Variants in ATP6V0D1 observed in about 807,000 individuals in gnomAD.
ATP6V0D1 encodes the protein ATPase H+ transporting V0 subunit d1.
ATP6V0D1 carries 13 observed loss-of-function variants against 39.0 expected under a neutral mutation model. The ratio of observed to expected loss-of-function variants is 0.33; its 90% CI spans 0.22 to 0.53. ATP6V0D1 has a LOEUF of 0.53. Among genes scored for constraint, ATP6V0D1 ranks in the 20% least tolerant of loss-of-function variants. The pLI, the probability that ATP6V0D1 is intolerant of heterozygous loss-of-function variation, is 0.94. For missense variants in ATP6V0D1, 272 were observed against 470.9 expected, an observed-to-expected ratio of 0.58 and a Z score of 3.91; for synonymous variants, 191 against 191.2, an observed-to-expected ratio of 1.00 and a Z score of 0.01.
chr16:67,471,387 A>G (rs1437774944), intron 1 of ATP6V0D1, among the ~76,000 whole-genome samples: 1 of 151,910 alleles, frequency 6.6e-6, no homozygotes, highest in Non-Finnish European at 1.5e-5. Context: ...TGGGGGTTTC[A>G]CCATGTTGCC....
chr16:67,438,841 A>C lies in ATP6V0D1; in HGVS notation c.846T>G (p.Gly282=). The C allele has an allele frequency of 6.4e-7, 1 of 1,569,944 alleles. No individual in the cohort carries two copies. The highest frequency in any genetic ancestry group is 8.6e-7 in the Non-Finnish European group (1 of 1,156,980). The change falls in exon 7 of 8, where the codon GGT becomes GGG. Residue 282 remains glycine (G), a synonymous_variant. Transcript: ENST00000290949. ...PEYKLLFEGA[G]SNPGDKTLED... is the part of the protein sequence containing the mutation. ...CCAGCGTCTTGTCTCCAGGGTTGCT[A>C]CCTGCACCCTCGAAGAGCAGCTTGT...
At chr16:67,460,887 G>A (rs192959708) in intron 1 of ATP6V0D1, among the ~76,000 whole-genome samples, 1 of 152,296 alleles carries the variant, frequency 6.6e-6, no homozygotes, top group African/African-American at 2.4e-5. Flanking sequence ...GAAAGAATCT[G>A]GGCTTCAGAG....
Position 67,438,689 on chromosome 16 carries a change from C to T in ATP6V0D1, c.895G>A (p.Val299Ile). The change falls in exon 8 of 8, where the codon GTA becomes ATA. Residue 299 changes from valine to isoleucine, a missense_variant and splice_region_variant. Val to Ile is a conservative substitution (Grantham distance 29, BLOSUM62 3). Coordinates refer to ENST00000290949, the MANE Select transcript of ATP6V0D1 (RefSeq NM_004691.5). ...AGGAAGGCCAACTTGTTCAGCTTTA[C>T]CTGTGGACACGGGCAGATGTGGTGT... ...TLEDRFFEHE[V>I]KLNKLAFLNQ... The T allele has an allele frequency of 6.2e-7, 1 of 1,614,234 alleles. No individual in the cohort carries two copies. The highest frequency in any genetic ancestry group is 1.1e-5 in the South Asian group (1 of 91,090).
intron 1 of ATP6V0D1, among the ~76,000 whole-genome samples, chr16:67,468,151 C>T (rs536447913): frequency 6.6e-6 from 1 of 152,094 alleles, no homozygotes; most frequent in Non-Finnish European, 1.5e-5. Flanking sequence ...ATTAGCCAGA[C>T]ATGGTAACAC....
At chr16:67,454,801 C>T (rs1351467064) in intron 1 of ATP6V0D1, 1 of 152,296 alleles carries the variant, frequency 6.6e-6, no homozygotes, top group Non-Finnish European at 1.5e-5. Flanking sequence ...GGTGGTCCCA[C>T]CATCCCCGCT....
chr16:67,439,200 C>G, intron 5 of ATP6V0D1, 53 bp from the exon 6 acceptor site: 1 of 1,613,616 alleles, frequency 6.2e-7, no homozygotes, highest in Non-Finnish European at 8.5e-7. Flanking sequence ...GAGGCAGTAG[C>G]CAGTCAGTTG....
At chr16:67,459,886 G>A (rs568865327) in intron 1 of ATP6V0D1, among the ~76,000 whole-genome samples, 145 of 152,346 alleles carry the variant, frequency 9.5e-4, no homozygotes, top group African/African-American at 3.1e-3. Flanking sequence ...CATACTGGGC[G>A]GGGCAGACCC....
rs74026407 is a variant in ATP6V0D1 at position 67,453,301 on chromosome 16, C to T, written c.302+243G>A. 2.6e-5 allele frequency among the ~76,000 whole-genome samples: 4 copies of T among 152,338 alleles called. No homozygotes were observed. Among genetic ancestry groups the T allele is most frequent in the African/African-American group, 7.2e-5 (3 of 41,574 alleles). ...CATCATATCTTCAGCCAGTAGTGAACGTGCTGGTGACCCATTTCATAGGTG... is the reference window on the plus strand; with the variant it reads ...CATCATATCTTCAGCCAGTAGTGAATGTGCTGGTGACCCATTTCATAGGTG... On this transcript the variant is annotated intron_variant, in intron 2 of 7. Coordinates refer to ENST00000290949, the MANE Select transcript of ATP6V0D1 (RefSeq NM_004691.5). The surrounding 1 kb of genome is among the most constrained non-coding windows in gnomAD (Gnocchi z 4.1).
chr16:67,465,694 C>T (rs1469665237), intron 1 of ATP6V0D1, among the ~76,000 whole-genome samples: 1 of 152,202 alleles, frequency 6.6e-6, no homozygotes, highest in Non-Finnish European at 1.5e-5. Flanking sequence ...AGGCAAAGAG[C>T]ATCAGGAAAT....
At chr16:67,459,271 A>T in intron 1 of ATP6V0D1, 1 of 985,406 alleles carries the variant, frequency 1.0e-6, no homozygotes, top group Non-Finnish European at 1.2e-6. Context: ...TTGGGAAGAC[A>T]CACCCCCAGC....
At chr16:67,472,962 C>CT (rs200262951) in intron 1 of ATP6V0D1, among the ~76,000 whole-genome samples, 1,698 of 152,286 alleles carry the variant, frequency 0.011, 39 homozygotes, top group Admixed American at 0.049. Flanking sequence ...GAATCTCTCT[C>CT]TTTTTAAAAC....
At chr16:67,470,925 T>TC (rs939122568) in intron 1 of ATP6V0D1, among the ~76,000 whole-genome samples, 2 of 151,978 alleles carry the variant, frequency 1.3e-5, no homozygotes, top group Non-Finnish European at 2.9e-5. Context: ...TGGTCCTTCA[T>TC]CCCCCCTCAT....
chr16:67,446,079 T>C, intron 2 of ATP6V0D1: 2 of 396,832 alleles, frequency 5.0e-6, no homozygotes, highest in South Asian at 1.8e-5. Context: ...GACAGGACCT[T>C]GTGCAACTAG....
chr16:67,439,430 C>T, intron 4 of ATP6V0D1, 79 bp from the exon 5 acceptor site: 2 of 1,342,698 alleles, frequency 1.5e-6, no homozygotes, highest in East Asian at 4.8e-5. Context: ...TCACAGCTCC[C>T]TCCTCCCCTC....
At position 67,443,137 on chromosome 16, in the gene ATP6V0D1, C is replaced by T; in HGVS notation, c.523G>A (p.Glu175Lys). Residue 175 changes from glutamate to lysine, a missense_variant, in exon 4 of 8, where the codon GAG becomes AAG. Transcript: ENST00000290949. ...QDCISEQDLD[E>K]MNIEIIRNTL... is the part of the protein sequence containing the mutation. ...TTGCGGATGATCTCGATGTTCATCT[C>T]GTCAAGGTCCTGCTCTGAAATGCAG... 6.2e-7 allele frequency: 1 copy of T among 1,613,958 alleles called. No individual in the cohort carries two copies. Among genetic ancestry groups the T allele is most frequent in the Non-Finnish European group, 8.5e-7 (1 of 1,179,982 alleles).
At chr16:67,450,695 AGTTTAGGTCCCACGAGATGTTT>A (rs925995916) in intron 2 of ATP6V0D1, among the ~76,000 whole-genome samples, 2 of 152,218 alleles carry the variant, frequency 1.3e-5, no homozygotes, top group Admixed American at 6.5e-5. Flanking sequence ...TGAATGTAAA[AGTTTAGGTCCCACGAGATGTTT>A]TTTAATTATT....
At chr16:67,449,364 C>T (rs2041152127) in intron 2 of ATP6V0D1, among the ~76,000 whole-genome samples, 1 of 152,246 alleles carries the variant, frequency 6.6e-6, no homozygotes, top group South Asian at 2.1e-4. Flanking sequence ...GACCAACTCT[C>T]TCAAGGGAAA....
At chr16:67,450,101 C>T (rs2041161523) in intron 2 of ATP6V0D1, among the ~76,000 whole-genome samples, 1 of 152,180 alleles carries the variant, frequency 6.6e-6, no homozygotes, top group Non-Finnish European at 1.5e-5. Flanking sequence ...TCTTCACACC[C>T]AGGACAGGGC....
chr16:67,462,725 G>A (rs1226378576), intron 1 of ATP6V0D1, among the ~76,000 whole-genome samples: 3 of 152,102 alleles, frequency 2.0e-5, no homozygotes, highest in Non-Finnish European at 2.9e-5. Context: ...CTACCTGGGA[G>A]GCTAAGGTGG....
Sources: allele counts gnomAD v4.1 joint callset (sites outside exome capture counted in the v4.1 genomes callset), GRCh38; gene constraint gnomAD v4.1.1; non-coding constraint Gnocchi (gnomAD v3.1); transcripts MANE v1.5; gene names NCBI Gene and HGNC (gene_info 2026-07-23, HGNC 2026-07-21).